FBXL7: variants seen among roughly 807,000 people sequenced by gnomAD.
The protein encoded by FBXL7 is F-box and leucine rich repeat protein 7.
FBXL7 carries 12 observed loss-of-function variants against 38.3 expected under a neutral mutation model. The observed-to-expected ratio is 0.31, with a 90% CI of 0.20 to 0.51. The LOEUF (loss-of-function observed/expected upper bound fraction) is 0.51, where lower values mean the gene tolerates loss of function less well. Ranked by LOEUF, FBXL7 falls within the 20% of genes least tolerant of loss-of-function variation. The pLI, the probability that FBXL7 is intolerant of heterozygous loss-of-function variation, is 0.98. For missense variants in FBXL7, 567 were observed against 676.4 expected (o/e 0.84, Z 1.79); for synonymous variants, 297 against 300.9 (o/e 0.99, Z 0.13).
intron 1 of FBXL7, among the ~76,000 whole-genome samples, chr5:15,593,915 C>T (rs911700541): frequency 2.0e-5 from 3 of 152,068 alleles, no homozygotes; most frequent in Non-Finnish European, 4.4e-5. Context: ...GAAGGTAACC[C>T]CAAAGAAATG....
intron 2 of FBXL7, among the ~76,000 whole-genome samples, chr5:15,813,831 C>T (rs1275831090): frequency 1.3e-5 from 2 of 152,126 alleles, no homozygotes; most frequent in Admixed American, 1.3e-4. Flanking sequence ...AAAAAAAGCT[C>T]ATCATCACTA....
intron 2 of FBXL7, among the ~76,000 whole-genome samples, chr5:15,679,760 C>T (rs956798651): frequency 4.6e-5 from 7 of 152,114 alleles, no homozygotes; most frequent in Non-Finnish European, 8.8e-5. Context: ...AGCCGACTGG[C>T]TCCCTGTTTG....
chr5:15,548,804 C>T (rs1195526377), intron 1 of FBXL7, among the ~76,000 whole-genome samples: 1 of 151,970 alleles, frequency 6.6e-6, no homozygotes, highest in Admixed American at 6.6e-5. Context: ...TTGTTTGGCT[C>T]AAATGGAGCA....
intron 2 of FBXL7, among the ~76,000 whole-genome samples, chr5:15,884,864 A>G (rs138824428): frequency 6.6e-6 from 1 of 152,352 alleles, no homozygotes; most frequent in East Asian, 1.9e-4. Context: ...AGGAAATATA[A>G]TAAGCTGTGT....
At chr5:15,810,425 G>A (rs1361861949) in intron 2 of FBXL7, among the ~76,000 whole-genome samples, 4 of 152,046 alleles carry the variant, frequency 2.6e-5, no homozygotes, top group African/African-American at 4.8e-5. Flanking sequence ...GCCAGGCGTG[G>A]TGGTGCATAC....
chr5:15,532,200 C>T (rs1052916818), intron 1 of FBXL7, among the ~76,000 whole-genome samples: 1 of 152,222 alleles, frequency 6.6e-6, no homozygotes, highest in African/African-American at 2.4e-5. Context: ...TTTGCAGTGG[C>T]TATTTCTCAT....
chr5:15,826,727 C>A (rs1001695523), intron 2 of FBXL7, among the ~76,000 whole-genome samples: 1 of 152,138 alleles, frequency 6.6e-6, no homozygotes, highest in African/African-American at 2.4e-5. Flanking sequence ...CCAGCACCAA[C>A]ATTTTCTGTG....
chr5:15,665,533 A>G (rs933306414), intron 2 of FBXL7, among the ~76,000 whole-genome samples: 4 of 152,146 alleles, frequency 2.6e-5, no homozygotes, highest in Non-Finnish European at 5.9e-5. Context: ...CTCATCACCA[A>G]AGTGGGAACA....
chr5:15,538,147 A>T (rs1185431436), intron 1 of FBXL7, among the ~76,000 whole-genome samples: 3 of 152,164 alleles, frequency 2.0e-5, no homozygotes, highest in Non-Finnish European at 4.4e-5. Flanking sequence ...TATTAAACAC[A>T]TTCTAAGGGG....
chr5:15,852,468 T>C (rs910234190), intron 2 of FBXL7, among the ~76,000 whole-genome samples: 4 of 152,196 alleles, frequency 2.6e-5, no homozygotes, highest in African/African-American at 9.7e-5. Context: ...AAGGGAATCA[T>C]TTGATAAGGT....
At chr5:15,691,651 C>T (rs1743187550) in intron 2 of FBXL7, among the ~76,000 whole-genome samples, 1 of 152,140 alleles carries the variant, frequency 6.6e-6, no homozygotes, top group African/African-American at 2.4e-5. Context: ...ATTTAAATTC[C>T]AAGCACCGTC....
At chr5:15,810,587 G>A (rs1477678288) in intron 2 of FBXL7, among the ~76,000 whole-genome samples, 1 of 151,226 alleles carries the variant, frequency 6.6e-6, no homozygotes, top group Non-Finnish European at 1.5e-5. Flanking sequence ...TATAAAACAT[G>A]AAATACAGAT....
chr5:15,832,899 C>A (rs373501038), intron 2 of FBXL7, among the ~76,000 whole-genome samples: 3 of 152,006 alleles, frequency 2.0e-5, no homozygotes, highest in Non-Finnish European at 4.4e-5. Context: ...GGAAAGGACC[C>A]GGTGGGAGGT....
At chr5:15,540,167 C>T (rs1305458630) in intron 1 of FBXL7, among the ~76,000 whole-genome samples, 2 of 152,018 alleles carry the variant, frequency 1.3e-5, no homozygotes, top group African/African-American at 4.8e-5. Flanking sequence ...TGTTCTTGTC[C>T]CTCTAATCAA....
intron 2 of FBXL7, among the ~76,000 whole-genome samples, chr5:15,922,354 T>A (rs896298456): frequency 6.6e-6 from 1 of 152,130 alleles, no homozygotes; most frequent in African/African-American, 2.4e-5. Context: ...TTCCTGATAC[T>A]TCAGGGAATA....
At chr5:15,866,528 C>T (rs922830097) in intron 2 of FBXL7, among the ~76,000 whole-genome samples, 4 of 152,020 alleles carry the variant, frequency 2.6e-5, no homozygotes, top group African/African-American at 9.7e-5. Flanking sequence ...GTAGCTAATG[C>T]CCATTACTTT....
chr5:15,895,511 G>A (rs1057088654), intron 2 of FBXL7, among the ~76,000 whole-genome samples: 4 of 151,386 alleles, frequency 2.6e-5, no homozygotes, highest in Non-Finnish European at 4.4e-5. Context: ...CTATAAGCTA[G>A]ATATATTGCA....
intron 2 of FBXL7, among the ~76,000 whole-genome samples, chr5:15,837,879 T>C (rs1738635176): frequency 6.6e-6 from 1 of 152,154 alleles, no homozygotes; most frequent in African/African-American, 2.4e-5. Flanking sequence ...AGATCAGCAG[T>C]AGCATTTATT....
chr5:15,715,770 CATAATAGCCTGG>C (rs1372282770), intron 2 of FBXL7, among the ~76,000 whole-genome samples: 6 of 152,304 alleles, frequency 3.9e-5, no homozygotes, highest in African/African-American at 1.4e-4. Context: ...ATTTGTGCTT[CATAATAGCCTGG>C]AATCTGATTC....
Sources: allele counts gnomAD v4.1 joint callset (sites outside exome capture counted in the v4.1 genomes callset), GRCh38; gene constraint gnomAD v4.1.1; transcripts MANE v1.5; gene names NCBI Gene and HGNC (gene_info 2026-07-23, HGNC 2026-07-21).